The following PARP2 variants were observed in gnomAD, a reference collection of about 807,000 sequenced individuals.
The protein encoded by PARP2 is poly(ADP-ribose) polymerase 2.
PARP2 carries 57 observed loss-of-function variants against 77.8 expected under a neutral mutation model. The ratio of observed to expected loss-of-function variants is 0.73; its 90% CI spans 0.59 to 0.91. The LOEUF (loss-of-function observed/expected upper bound fraction) is 0.91, where lower values mean the gene tolerates loss of function less well. Ranked by LOEUF, PARP2 falls within the 40% of genes least tolerant of loss-of-function variation. PARP2 has a pLI of 0.00. For missense variants in PARP2, 651 were observed against 689.0 expected (o/e 0.94, Z 0.62); for synonymous variants, 226 against 242.6 (o/e 0.93, Z 0.64).
chr14:20,354,384 T>TGG (rs1247904540), intron 8 of PARP2, 137 bp downstream of exon 8: 1 of 731,354 alleles, frequency 1.4e-6, no homozygotes, highest in East Asian at 2.7e-5. Context: ...ACAGGTTGTA[T>TGG]GGAGGGAAGA....
At chr14:20,353,941 T>G in intron 7 of PARP2, 144 bp from the exon 8 acceptor site, 2 of 627,556 alleles carry the variant, frequency 3.2e-6, no homozygotes, top group Non-Finnish European at 5.3e-6. Context: ...CTGTACAGCC[T>G]TTTTTTCCTT....
chr14:20,350,494 C>T (rs1883915177), intron 4 of PARP2, 32 bp from the exon 5 acceptor site: 1 of 1,246,042 alleles, frequency 8.0e-7, no homozygotes, highest in Non-Finnish European at 1.2e-6. Flanking sequence ...TGCAAAACTC[C>T]TTTTTTTTGT....
chr14:20,350,542 A>G lies in PARP2; in HGVS notation c.341A>G (p.Asn114Ser), dbSNP rs1231202642. The stretch of plus-strand genomic sequence containing the variant: ...TCAACATAGACCAATCTCCAGTTCA[A>G]CAACAACAAGTACTATCTGATTCAG... ...VMLNQTNLQF[N>S]NNKYYLIQLL... The change falls in exon 5 of 16, where the codon AAC becomes AGC. Residue 114 changes from asparagine (N) to serine (S), a missense_variant. Physicochemically the swap from Asn to Ser is conservative, Grantham distance 46 (BLOSUM62 1). Coordinates refer to ENST00000429687, the MANE Select transcript of PARP2 (RefSeq NM_001042618.2). The G allele has an allele frequency of 2.5e-6, 4 of 1,603,802 alleles. No individual in the cohort carries two copies. In the South Asian group the frequency reaches 3.3e-5, roughly 13 times the overall value.
chr14:20,349,873 C>A (rs1883895800), intron 4 of PARP2, among the ~76,000 whole-genome samples: 1 of 152,184 alleles, frequency 6.6e-6, no homozygotes, highest in South Asian at 2.1e-4. Context: ...TATGCCTTAT[C>A]ATGGACTTCT....
chr14:20,351,855 A>C (rs1343670285), intron 6 of PARP2, among the ~76,000 whole-genome samples: 2 of 143,422 alleles, frequency 1.4e-5, no homozygotes, highest in Admixed American at 7.0e-5. Context: ...ACTCTCCCCC[A>C]AAAAAAAGGA....
rs780031788 is a variant in PARP2 at position 20,354,177 on chromosome 14, G to A, written c.693G>A (p.Leu231=). 40 of 1,613,326 alleles carry A rather than the reference G, an allele frequency of 2.5e-5. No homozygotes were observed. The South Asian group carries it at 4.1e-4, about 16-fold the overall frequency. ...TTCGGGTACAGGAGTTAATAAAGTT[G>A]ATCTGTAATGTTCAGGCCATGGAAG... The part of the protein sequence containing the change: ...LDLRVQELIK[L]ICNVQAMEEM... Residue 231 remains leucine, a synonymous_variant, in exon 8 of 16, where the codon TTG becomes TTA. Transcript: ENST00000429687.
At position 20,356,824 on chromosome 14, in the gene PARP2, C is replaced by A. The variant is rs1884171388; in HGVS notation, c.1329+135C>A. 11 of 745,998 alleles carry A rather than the reference C, an allele frequency of 1.5e-5. No individual in the cohort carries two copies. In the South Asian group the frequency reaches 1.8e-4, roughly 12 times the overall value. 46.2% of individuals were successfully genotyped at this position (745,998 alleles called of 1,614,324 possible). A position where few individuals can be genotyped will look rare whatever the true frequency, so the allele number is the denominator to read the frequency against. On this transcript the variant is annotated intron_variant, in intron 13 of 15. Transcript: ENST00000429687. ...GCCAGCTCACTGATAACCTTGTCAT[C>A]TCTTACTGTGTCCCTCTTTCTTTAA...
Position 20,356,704 on chromosome 14 carries a change from A to G in PARP2, c.1329+15A>G, listed in dbSNP as rs1347831030. 6.3e-7 allele frequency: 1 copy of G among 1,575,714 alleles called. No homozygotes were observed. Among genetic ancestry groups the G allele is most frequent in the Non-Finnish European group, 8.7e-7 (1 of 1,145,166 alleles). On this transcript the variant is annotated intron_variant, in intron 13 of 15. Coordinates refer to ENST00000429687, the MANE Select transcript of PARP2 (RefSeq NM_001042618.2). ...CAGGTTACATGGTGAGTGAAATTGA[A>G]CTCTGGGAGGAGCACAGGGGAAAGG...
In PARP2 at chr14:20,350,578, A is replaced by G; in HGVS notation, c.377A>G (p.Asp126Gly). The change falls in exon 5 of 16, where the codon GAT (aspartate) becomes GGT (glycine). Residue 126 changes from aspartate (D) to glycine (G), a missense_variant. By Grantham distance (94) the Asp-to-Gly change is moderately conservative (BLOSUM62 -1). Transcript: ENST00000429687. ...NKYYLIQLLE[D>G]DAQRNFSVWM... Reference sequence around the variant, plus strand: ...TACTATCTGATTCAGCTATTAGAAGATGATGCCCAGAGGAACTTCAGTGTT... The same window carrying G: ...TACTATCTGATTCAGCTATTAGAAGGTGATGCCCAGAGGAACTTCAGTGTT... 1.2e-6 allele frequency: 2 copies of G among 1,611,910 alleles called. No individual in the cohort carries two copies. Among genetic ancestry groups the G allele is most frequent in the Non-Finnish European group, 1.7e-6 (2 of 1,177,972 alleles).
chr14:20,350,849 C>G (rs1318756895), intron 5 of PARP2, 198 bp from the exon 6 acceptor site: 1 of 609,760 alleles, frequency 1.6e-6, no homozygotes, highest in African/African-American at 1.9e-5. Context: ...GAAAACTCTT[C>G]TATAGTTGAA....
intron 8 of PARP2, 136 bp downstream of exon 8, chr14:20,354,383 A>G (rs1438306878): frequency 4.1e-6 from 3 of 733,986 alleles, no homozygotes; most frequent in Non-Finnish European, 2.2e-6. Flanking sequence ...GACAGGTTGT[A>G]TGGAGGGAAG....
intron 3 of PARP2, among the ~76,000 whole-genome samples, chr14:20,346,162 C>T (rs1883709905): frequency 6.6e-6 from 1 of 152,084 alleles, no homozygotes; most frequent in Non-Finnish European, 1.5e-5. Context: ...GCCTTCTACA[C>T]CTCATTCTCT....
chr14:20,347,308 C>T (rs1456335603), intron 4 of PARP2, among the ~76,000 whole-genome samples: 1 of 116,246 alleles, frequency 8.6e-6, no homozygotes, highest in African/African-American at 3.4e-5. Flanking sequence ...CTGGGATTAC[C>T]AGGTGTAAGC....
Position 20,357,169 on chromosome 14 carries a change from G to C in PARP2, c.1428+20G>C, listed in dbSNP as rs1199318377. On this transcript the variant is annotated intron_variant, in intron 14 of 15. Coordinates refer to ENST00000429687, the MANE Select transcript of PARP2 (RefSeq NM_001042618.2). ...TCAGAGGTGAGACAGGAGTATGTCTGTGATCTCTAGTTTATTAATTCCAGT... is the reference window on the plus strand; with the variant it reads ...TCAGAGGTGAGACAGGAGTATGTCTCTGATCTCTAGTTTATTAATTCCAGT... 2 of 1,509,586 alleles carry C rather than the reference G, an allele frequency of 1.3e-6. No homozygotes were observed. Among genetic ancestry groups the C allele is most frequent in the Admixed American group, 1.7e-5 (1 of 59,874 alleles). The allele number at this position is 1,509,586 out of a possible 1,614,324, so 93.5% of individuals were successfully genotyped here.
At position 20,356,144 on chromosome 14, in the gene PARP2, T is replaced by C. The variant is rs557395608; in HGVS notation, c.1101+113T>C. The C allele has an allele frequency of 9.9e-5, 142 of 1,433,782 alleles. No homozygotes were observed. In the African/African-American group the frequency reaches 1.9e-3, roughly 19 times the overall value. The allele number at this position is 1,433,782 out of a possible 1,614,324, so 88.8% of individuals were successfully genotyped here. A position where few individuals can be genotyped will look rare whatever the true frequency, so the allele number is the denominator to read the frequency against. On this transcript the variant is annotated intron_variant, in intron 11 of 15. Coordinates refer to ENST00000429687, the MANE Select transcript of PARP2 (RefSeq NM_001042618.2). ...GCAAATTGTCAATTAGGGCAGACTT[T>C]TTATGTACTAGGGATTTGGGAAGGC...
chr14:20,344,338 T>TG (rs1224745990), intron 1 of PARP2: 1 of 152,986 alleles, frequency 6.5e-6, no homozygotes, highest in Non-Finnish European at 1.5e-5. Context: ...GGTGGGTATT[T>TG]GGGGGACATT....
rs3093935 is a variant in PARP2 at position 20,356,462 on chromosome 14, G to A, written c.1229+28G>A. 1.9e-3 allele frequency: 3,064 copies of A among 1,614,052 alleles called. 43 individuals are homozygous for A. In the African/African-American group the frequency reaches 0.034, roughly 18 times the overall value. On this transcript the variant is annotated intron_variant, in intron 12 of 15. Transcript: ENST00000429687. ...CTGAGTCTAGCTTTGCGTTTGGAAA[G>A]ACACTCCTTGCCCGAAAGTACAGCT... is the stretch of plus-strand genomic sequence containing the variant.
chr14:20,345,524 T>G, intron 3 of PARP2, 60 bp downstream of exon 3: 1 of 1,234,926 alleles, frequency 8.1e-7, no homozygotes, highest in Admixed American at 1.8e-5. Context: ...TCCTTTGTTA[T>G]AAGGACTCCT....
rs1206593704 is a variant in PARP2 at position 20,357,458 on chromosome 14, A to G, written c.1491A>G (p.Gln497=). Residue 497 remains glutamine (Q), a synonymous_variant, in exon 15 of 16, where the codon CAA becomes CAG. Transcript: ENST00000429687. ...ATCCTAAGGCCGAAGGATTGCTTCAAGGTAAACATAGCACCAAGGGGCTGG... is the reference window on the plus strand; with the variant it reads ...ATCCTAAGGCCGAAGGATTGCTTCAGGGTAAACATAGCACCAAGGGGCTGG... ...EANPKAEGLL[Q]GKHSTKGLGK... is the part of the protein sequence containing the mutation. The G allele has an allele frequency of 5.0e-6, 8 of 1,614,022 alleles. No homozygotes were observed. The highest frequency in any genetic ancestry group is 2.2e-5 in the East Asian group (1 of 44,888).
Sources: gnomAD v4.1 joint callset for allele counts (sites outside exome capture counted in the v4.1 genomes callset) on GRCh38, gnomAD v4.1.1 for gene constraint, MANE v1.5 for transcripts, NCBI Gene and HGNC (gene_info 2026-07-23, HGNC 2026-07-21) for gene names.